Variants in TSHZ2 observed in about 807,000 individuals in gnomAD.
TSHZ2 encodes the protein teashirt homolog 2.
In TSHZ2, 21 loss-of-function variants were observed where a neutral mutation model predicts 74.4. That is an observed-to-expected ratio of 0.28 (90% CI 0.20 to 0.41). TSHZ2 has a LOEUF of 0.41. Among genes scored for constraint, TSHZ2 ranks in the 10% least tolerant of loss-of-function variants. The pLI is 1.00. For missense variants in TSHZ2, 1,244 were observed against 1,293.5 expected (o/e 0.96, Z 0.59); for synonymous variants, 540 against 515.3 (o/e 1.05, Z -0.65).
chr20:53,457,840 T>A (rs1429783490), intron 2 of TSHZ2, among the ~76,000 whole-genome samples: 1 of 151,904 alleles, frequency 6.6e-6, no homozygotes, highest in Non-Finnish European at 1.5e-5. Context: ...TCTTTGGCTC[T>A]GTTTATATGC....
intron 2 of TSHZ2, among the ~76,000 whole-genome samples, chr20:53,313,975 T>A (rs931916256): frequency 1.3e-5 from 2 of 152,152 alleles, no homozygotes; most frequent in Non-Finnish European, 2.9e-5. Context: ...TATTCTACAT[T>A]GTTGAAGCTG....
intron 1 of TSHZ2, among the ~76,000 whole-genome samples, chr20:53,194,226 C>T (rs895879847): frequency 3.9e-5 from 6 of 152,184 alleles, no homozygotes; most frequent in African/African-American, 1.4e-4. Context: ...CCTGCTGTTG[C>T]TTACATAGAA....
At chr20:53,099,630 G>A (rs1215363770) in intron 1 of TSHZ2, among the ~76,000 whole-genome samples, 1 of 152,220 alleles carries the variant, frequency 6.6e-6, no homozygotes. Context: ...TGGCCAGGGA[G>A]GCCTCACAAT....
chr20:53,224,577 C>G (rs150735146), intron 1 of TSHZ2, among the ~76,000 whole-genome samples: 3 of 152,126 alleles, frequency 2.0e-5, no homozygotes. Context: ...AGGCTGGGTG[C>G]GGTGACTCAT....
At chr20:53,328,125 C>G (rs764086309) in intron 2 of TSHZ2, among the ~76,000 whole-genome samples, 4 of 152,092 alleles carry the variant, frequency 2.6e-5, no homozygotes, top group African/African-American at 4.8e-5. Context: ...TGGTGCTCAC[C>G]CTTAGAGTCC....
At chr20:53,320,485 A>T (rs1422694562) in intron 2 of TSHZ2, among the ~76,000 whole-genome samples, 1 of 152,220 alleles carries the variant, frequency 6.6e-6, no homozygotes, top group East Asian at 1.9e-4. Context: ...GTAAAACCAC[A>T]TCCTAGATGA....
At chr20:53,133,993 G>A (rs1248098732) in intron 1 of TSHZ2, among the ~76,000 whole-genome samples, 1 of 108,946 alleles carries the variant, frequency 9.2e-6, no homozygotes, top group Non-Finnish European at 2.0e-5. Flanking sequence ...AATAGGCCAC[G>A]TTTCATGGGC....
chr20:53,251,352 T>C (rs1270241091), intron 1 of TSHZ2, among the ~76,000 whole-genome samples: 3 of 152,246 alleles, frequency 2.0e-5, no homozygotes, highest in Non-Finnish European at 2.9e-5. Flanking sequence ...TCATTTGTTA[T>C]TTAGTTTATT....
chr20:53,035,311 A>G (rs1352001573), intron 1 of TSHZ2, among the ~76,000 whole-genome samples: 1 of 152,198 alleles, frequency 6.6e-6, no homozygotes, highest in Non-Finnish European at 1.5e-5. Context: ...TCTGACTCCC[A>G]GTAGAGGTGA....
In TSHZ2 at chr20:53,494,207, G is replaced by T. The variant is rs1986521233; in HGVS notation, c.*7072G>T. 1 of 152,188 alleles carries T rather than the reference G, an allele frequency of 6.6e-6. No individual in the cohort carries two copies. The highest frequency in any genetic ancestry group is 2.1e-4 in the South Asian group (1 of 4,826). The allele number at this position is 152,188 out of a possible 1,614,324, so 9.4% of individuals were successfully genotyped here. A position where few individuals can be genotyped will look rare whatever the true frequency, so the allele number is the denominator to read the frequency against. ...GGAGGCTGAGGCAAGAGAATTGCTT[G>T]AGCCCGGGAGGCGAAGGTTGCAGTG... On this transcript the variant is annotated 3_prime_UTR_variant, in exon 3 of 3. Coordinates refer to ENST00000371497, the MANE Select transcript of TSHZ2 (RefSeq NM_173485.6).
intron 2 of TSHZ2, among the ~76,000 whole-genome samples, chr20:53,260,257 G>C (rs935077743): frequency 2.0e-5 from 3 of 152,182 alleles, no homozygotes; most frequent in Non-Finnish European, 2.9e-5. Flanking sequence ...ACATTATTTT[G>C]CTTTATTCTC....
intron 2 of TSHZ2, among the ~76,000 whole-genome samples, chr20:53,293,623 A>T (rs1224548819): frequency 6.6e-6 from 1 of 151,352 alleles, no homozygotes; most frequent in Non-Finnish European, 1.5e-5. Context: ...CACCAGACAG[A>T]CTGGTTATGG....
At chr20:53,251,794 G>C (rs1473393759) in intron 1 of TSHZ2, among the ~76,000 whole-genome samples, 4 of 152,160 alleles carry the variant, frequency 2.6e-5, no homozygotes, top group Non-Finnish European at 4.4e-5. Context: ...CCTGTGATGT[G>C]GTTATCTATT....
At chr20:53,455,514 T>TTTC (rs1396976120) in intron 2 of TSHZ2, 2 of 152,236 alleles carry the variant, frequency 1.3e-5, no homozygotes, top group African/African-American at 2.4e-5. Context: ...GGCATTATTA[T>TTTC]TTCATAAATG....
intron 2 of TSHZ2, among the ~76,000 whole-genome samples, chr20:53,384,623 T>C (rs1198047726): frequency 6.6e-6 from 1 of 152,172 alleles, no homozygotes; most frequent in Non-Finnish European, 1.5e-5. Context: ...TGTTCAATTT[T>C]ATAAAGTGAT....
At chr20:52,985,217 T>C (rs536906422) in intron 1 of TSHZ2, among the ~76,000 whole-genome samples, 3 of 152,152 alleles carry the variant, frequency 2.0e-5, no homozygotes, top group Non-Finnish European at 4.4e-5. Flanking sequence ...TCTCCAACGA[T>C]TATTTCATCT....
In TSHZ2 at chr20:53,410,170, C is replaced by T. The variant is rs148531867; in HGVS notation, c.*9-76974C>T. On this transcript the variant is annotated intron_variant, in intron 2 of 2. Transcript: ENST00000371497. ...TTTTGTCTGCCATTTTTAATGTTCA[C>T]TCTGAGAATCAGAGGGCGCATCCCA... Among the ~76,000 whole-genome samples the T allele has an allele frequency of 7.4e-3, 1,120 of 152,212 alleles. 11 individuals are homozygous for T. Among genetic ancestry groups the T allele is most frequent in the African/African-American group, 0.025 (1,042 of 41,556 alleles).
chr20:53,385,205 T>C (rs921011678), intron 2 of TSHZ2, among the ~76,000 whole-genome samples: 1 of 152,106 alleles, frequency 6.6e-6, no homozygotes, highest in African/African-American at 2.4e-5. Flanking sequence ...AAGCATGCCA[T>C]GTATAGTAGG....
chr20:53,180,814 A>G (rs1293386), intron 1 of TSHZ2, among the ~76,000 whole-genome samples: 22,060 of 152,168 alleles, frequency 0.14, 1,769 homozygotes, highest in East Asian at 0.22. Flanking sequence ...TTGTTAACAC[A>G]AAGCAAAAAG....
Sources: gnomAD v4.1 joint callset for allele counts (sites outside exome capture counted in the v4.1 genomes callset) on GRCh38, gnomAD v4.1.1 for gene constraint, MANE v1.5 for transcripts, NCBI Gene and HGNC (gene_info 2026-07-23, HGNC 2026-07-21) for gene names.